The following ZBTB38 variants were observed in gnomAD, a reference collection of about 807,000 sequenced individuals.
ZBTB38 encodes the protein zinc finger and BTB domain-containing protein 38.
A neutral mutation model predicts 76.8 loss-of-function variants in ZBTB38; 20 were observed. The observed-to-expected ratio is 0.26, with a 90% CI of 0.18 to 0.38. The LOEUF (loss-of-function observed/expected upper bound fraction) is 0.38, where lower values mean the gene tolerates loss of function less well. Ranked by LOEUF, ZBTB38 falls within the 10% of genes least tolerant of loss-of-function variation. The probability of loss-of-function intolerance (pLI) is 1.00; values close to 1 mark genes in which losing one functional copy is unlikely to be tolerated. For synonymous variants in ZBTB38, 504 were observed against 544.2 expected, an observed-to-expected ratio of 0.93 and a Z score of 1.03; for missense variants, 1,082 against 1,482.3, an observed-to-expected ratio of 0.73 and a Z score of 4.43.
chr3:141,336,269 C>T (rs1254054609), intron 1 of ZBTB38, among the ~76,000 whole-genome samples: 1 of 152,150 alleles, frequency 6.6e-6, no homozygotes, highest in African/African-American at 2.4e-5. Context: ...GAAATATTCA[C>T]ATACTCTAAA....
Position 141,369,945 on chromosome 3 carries a change from T to C in ZBTB38, c.-236T>C. ...GATCTGAATGTTGTGACCACTAATT[T>C]GGTAAGTGTCATTTGTCCCCAACAG... On this transcript the variant is annotated splice_region_variant and 5_prime_UTR_variant, in exon 2 of 6. Coordinates refer to ENST00000321464, the MANE Select transcript of ZBTB38 (RefSeq NM_001376113.1). 6.6e-6 allele frequency: 1 copy of C among 152,260 alleles called. No homozygotes were observed. Among genetic ancestry groups the C allele is most frequent in the South Asian group, 2.1e-4 (1 of 4,836 alleles). 9.4% of individuals were successfully genotyped at this position (152,260 alleles called of 1,614,324 possible). A position where few individuals can be genotyped will look rare whatever the true frequency, so the allele number is the denominator to read the frequency against.
chr3:141,369,409 G>A (rs1364336619), intron 1 of ZBTB38, among the ~76,000 whole-genome samples: 1 of 152,092 alleles, frequency 6.6e-6, no homozygotes, highest in Non-Finnish European at 1.5e-5. Flanking sequence ...ATCGTATCTG[G>A]GATGATATTA....
At chr3:141,360,007 C>T (rs565418391) in intron 1 of ZBTB38, among the ~76,000 whole-genome samples, 2 of 151,954 alleles carry the variant, frequency 1.3e-5, no homozygotes, top group East Asian at 3.9e-4. Context: ...AGTTTTAAAA[C>T]CTCATATTCA....
intron 1 of ZBTB38, among the ~76,000 whole-genome samples, chr3:141,345,914 A>AC (rs1201360190): frequency 6.6e-6 from 1 of 151,992 alleles, no homozygotes; most frequent in Non-Finnish European, 1.5e-5. Context: ...GGACAAGGCC[A>AC]CCCCCACTGA....
At chr3:141,329,773 T>G (rs935050133) in intron 1 of ZBTB38, among the ~76,000 whole-genome samples, 2 of 152,104 alleles carry the variant, frequency 1.3e-5, no homozygotes, top group African/African-American at 4.8e-5. Context: ...TTGTACAGCT[T>G]TTGGTACTGT....
At chr3:141,386,513 T>C (rs1342384956) in intron 3 of ZBTB38, 1 of 152,240 alleles carries the variant, frequency 6.6e-6, no homozygotes, top group Non-Finnish European at 1.5e-5. Flanking sequence ...AGAAATGCTA[T>C]ACCCTTTATC....
At chr3:141,399,383 T>C (rs1951174642) in intron 4 of ZBTB38, among the ~76,000 whole-genome samples, 1 of 152,200 alleles carries the variant, frequency 6.6e-6, no homozygotes, top group East Asian at 1.9e-4. Flanking sequence ...CATGGGAAGT[T>C]GACACCTCTA....
At chr3:141,375,250 C>T (rs1945197787) in intron 2 of ZBTB38, among the ~76,000 whole-genome samples, 1 of 152,156 alleles carries the variant, frequency 6.6e-6, no homozygotes, top group African/African-American at 2.4e-5. Context: ...CACATGAAAT[C>T]ACTGAGGCCC....
At chr3:141,410,739 T>C (rs1956344111) in intron 5 of ZBTB38, among the ~76,000 whole-genome samples, 1 of 152,232 alleles carries the variant, frequency 6.6e-6, no homozygotes, top group Non-Finnish European at 1.5e-5. Context: ...AAGGCTGTTT[T>C]CCATCTTACA....
intron 1 of ZBTB38, among the ~76,000 whole-genome samples, chr3:141,335,210 G>A (rs1286048891): frequency 1.3e-5 from 2 of 152,196 alleles, no homozygotes; most frequent in Non-Finnish European, 2.9e-5. Context: ...ATAAACTGAG[G>A]ATAATAGTTG....
At chr3:141,408,217 A>T (rs1017044607) in intron 5 of ZBTB38, among the ~76,000 whole-genome samples, 22 of 152,350 alleles carry the variant, frequency 1.4e-4, no homozygotes, top group African/African-American at 4.1e-4. Flanking sequence ...GCTAAAGTTC[A>T]TATTCTTCAT....
chr3:141,346,817 G>GTGTGTGTGTGTGTGTGT (rs1559915420), intron 1 of ZBTB38, among the ~76,000 whole-genome samples: 17 of 59,772 alleles, frequency 2.8e-4, no homozygotes, highest in African/African-American at 1.2e-3. Flanking sequence ...TGTGTGTGTG[G>GTGTGTGTGTGTGTGTGT]TGCAATGCTC....
chr3:141,438,570 C>T (rs948578214), intron 5 of ZBTB38, among the ~76,000 whole-genome samples: 18 of 152,174 alleles, frequency 1.2e-4, no homozygotes, highest in Non-Finnish European at 1.2e-4. Flanking sequence ...CTGTTCTTCC[C>T]CAGGCTCTCA....
At chr3:141,395,974 G>A (rs1004845596) in intron 4 of ZBTB38, among the ~76,000 whole-genome samples, 1 of 152,228 alleles carries the variant, frequency 6.6e-6, no homozygotes, top group African/African-American at 2.4e-5. Flanking sequence ...GTCATAATCT[G>A]TCTGCAGATG....
chr3:141,363,440 C>T (rs892725122), intron 1 of ZBTB38, among the ~76,000 whole-genome samples: 2 of 152,094 alleles, frequency 1.3e-5, no homozygotes, highest in South Asian at 4.1e-4. Context: ...AATAGCCAAA[C>T]GATTTTGAAA....
intron 1 of ZBTB38, among the ~76,000 whole-genome samples, chr3:141,345,268 C>CTT (rs879866094): frequency 6.9e-6 from 1 of 144,612 alleles, no homozygotes; most frequent in Admixed American, 6.9e-5. Context: ...GATGGCAGAA[C>CTT]TTTTTTTTTT....
At chr3:141,324,787 A>G (rs1421805112) in intron 1 of ZBTB38, among the ~76,000 whole-genome samples, 1 of 152,184 alleles carries the variant, frequency 6.6e-6, no homozygotes. Flanking sequence ...AAATCATGTG[A>G]CGATAACAGT....
chr3:141,340,521 T>C (rs1943141541), intron 1 of ZBTB38, among the ~76,000 whole-genome samples: 1 of 152,214 alleles, frequency 6.6e-6, no homozygotes, highest in South Asian at 2.1e-4. Context: ...ATATAAAAAC[T>C]CTTCAACTCA....
intron 3 of ZBTB38, among the ~76,000 whole-genome samples, chr3:141,384,457 C>A (rs75833696): frequency 6.6e-6 from 1 of 152,134 alleles, no homozygotes; most frequent in East Asian, 1.9e-4. Flanking sequence ...TAATAATTTG[C>A]GAGTATTTTT....
Sources: allele counts gnomAD v4.1 joint callset (sites outside exome capture counted in the v4.1 genomes callset), GRCh38; gene constraint gnomAD v4.1.1; transcripts MANE v1.5; gene names NCBI Gene and HGNC (gene_info 2026-07-23, HGNC 2026-07-21).